The following ZNF385D variants were observed in gnomAD, a reference collection of about 807,000 sequenced individuals.
The protein encoded by ZNF385D is zinc finger protein 385D.
A neutral mutation model predicts 35.8 loss-of-function variants in ZNF385D; 15 were observed. The ratio of observed to expected loss-of-function variants is 0.42; its 90% confidence interval spans 0.28 to 0.64. The LOEUF is 0.64. Among genes scored for constraint, ZNF385D ranks in the 30% least tolerant of loss-of-function variants. The pLI, the probability that ZNF385D is intolerant of heterozygous loss-of-function variation, is 0.23. For synonymous variants in ZNF385D, 212 were observed against 186.8 expected (o/e 1.13, Z -1.10); for missense variants, 474 against 494.6 (o/e 0.96, Z 0.39).
chr3:22,372,038 C>T (rs1028197508), intron 2 of ZNF385D, among the ~76,000 whole-genome samples: 25 of 152,172 alleles, frequency 1.6e-4, no homozygotes, highest in African/African-American at 5.5e-4. Flanking sequence ...ACGCCTCGCA[C>T]ACACCCAATG....
At chr3:22,045,696 T>G (rs1169164844) in intron 3 of ZNF385D, among the ~76,000 whole-genome samples, 1 of 152,030 alleles carries the variant, frequency 6.6e-6, no homozygotes, top group Non-Finnish European at 1.5e-5. Context: ...TGTAATCACT[T>G]TCGAGTATTA....
At chr3:21,454,288 T>C (rs1359465389) in intron 4 of ZNF385D, among the ~76,000 whole-genome samples, 1 of 146,530 alleles carries the variant, frequency 6.8e-6, no homozygotes, top group Admixed American at 6.9e-5. Flanking sequence ...TGCATAACAT[T>C]GTGAATATAG....
At chr3:21,873,142 GTAGA>G (rs1697784900) in intron 3 of ZNF385D, among the ~76,000 whole-genome samples, 1 of 152,026 alleles carries the variant, frequency 6.6e-6, no homozygotes, top group Non-Finnish European at 1.5e-5. Context: ...TATGTTACAG[GTAGA>G]TAGCTAGATG....
intron 3 of ZNF385D, among the ~76,000 whole-genome samples, chr3:22,152,986 T>A (rs1462621380): frequency 6.6e-6 from 1 of 152,144 alleles, no homozygotes; most frequent in Non-Finnish European, 1.5e-5. Context: ...TGATGACACA[T>A]TGGTAGCTTA....
chr3:21,583,125 A>G (rs984761643), intron 2 of ZNF385D, among the ~76,000 whole-genome samples: 54 of 152,132 alleles, frequency 3.5e-4, no homozygotes, highest in African/African-American at 1.3e-3. Flanking sequence ...GAAAAACACA[A>G]AATACAGTGC....
intron 4 of ZNF385D, among the ~76,000 whole-genome samples, chr3:21,478,645 G>A (rs1474782642): frequency 6.6e-6 from 1 of 152,112 alleles, no homozygotes; most frequent in East Asian, 1.9e-4. Flanking sequence ...TCACGCTTAG[G>A]CGTAACTTAG....
intron 2 of ZNF385D, among the ~76,000 whole-genome samples, chr3:22,294,067 T>C (rs1220275029): frequency 6.6e-6 from 1 of 151,768 alleles, no homozygotes; most frequent in Admixed American, 6.6e-5. Context: ...TCCTATAGAG[T>C]ATTTGGAGGA....
At chr3:21,835,352 T>C (rs865861034) in intron 3 of ZNF385D, among the ~76,000 whole-genome samples, 4 of 151,958 alleles carry the variant, frequency 2.6e-5, no homozygotes, top group East Asian at 3.9e-4. Flanking sequence ...GATCCTTCCA[T>C]TGTAAAATTT....
intron 2 of ZNF385D, among the ~76,000 whole-genome samples, chr3:22,261,413 T>C (rs1700625424): frequency 6.6e-6 from 1 of 152,024 alleles, no homozygotes; most frequent in Non-Finnish European, 1.5e-5. Flanking sequence ...GTAAGGCTAG[T>C]AAATAATCAT....
intron 2 of ZNF385D, among the ~76,000 whole-genome samples, chr3:21,633,277 T>C (rs2065333888): frequency 6.6e-6 from 1 of 152,108 alleles, no homozygotes; most frequent in Admixed American, 6.6e-5. Flanking sequence ...AACAGCTGGC[T>C]ATAGCACTTG....
chr3:22,279,461 G>A (rs570351122), intron 2 of ZNF385D, among the ~76,000 whole-genome samples: 4 of 148,028 alleles, frequency 2.7e-5, no homozygotes, highest in African/African-American at 5.0e-5. Flanking sequence ...AGGCTGAATA[G>A]TATTCCACAG....
chr3:22,353,165 C>CT (rs1480191346), intron 2 of ZNF385D, among the ~76,000 whole-genome samples: 2 of 152,142 alleles, frequency 1.3e-5, no homozygotes, highest in South Asian at 4.1e-4. Context: ...TCTGGTTTAG[C>CT]TTAAATCCAC....
At chr3:22,235,840 T>C (rs1559470306) in intron 2 of ZNF385D, among the ~76,000 whole-genome samples, 1 of 152,088 alleles carries the variant, frequency 6.6e-6, no homozygotes, top group Non-Finnish European at 1.5e-5. Context: ...TGAAGGGTAA[T>C]ATAAAAATTT....
intron 3 of ZNF385D, among the ~76,000 whole-genome samples, chr3:22,030,032 G>C (rs1477361456): frequency 6.6e-6 from 1 of 151,544 alleles, no homozygotes; most frequent in African/African-American, 2.4e-5. Flanking sequence ...AGCCTAATCA[G>C]CTGCCAGCAA....
intron 2 of ZNF385D, among the ~76,000 whole-genome samples, chr3:22,208,465 G>T (rs1390504039): frequency 6.6e-6 from 1 of 151,718 alleles, no homozygotes; most frequent in South Asian, 2.1e-4. Context: ...GTAGATGGGT[G>T]GGGGGTTAAC....
chr3:21,828,085 G>A (rs143787847), intron 3 of ZNF385D, among the ~76,000 whole-genome samples: 3 of 152,152 alleles, frequency 2.0e-5, no homozygotes, highest in Non-Finnish European at 4.4e-5. Flanking sequence ...GGAATATTAT[G>A]TCTGTAAGCA....
At chr3:21,844,578 C>A (rs965982652) in intron 3 of ZNF385D, among the ~76,000 whole-genome samples, 15 of 151,926 alleles carry the variant, frequency 9.9e-5, no homozygotes, top group Admixed American at 3.9e-4. Context: ...AATGATAAAT[C>A]ACCAAACCAA....
chr3:22,298,556 CACAT>C (rs1318623330), intron 2 of ZNF385D, among the ~76,000 whole-genome samples: 2 of 142,382 alleles, frequency 1.4e-5, no homozygotes, highest in East Asian at 4.0e-4. Flanking sequence ...TGTATATACA[CACAT>C]ACACACACAC....
intron 3 of ZNF385D, among the ~76,000 whole-genome samples, chr3:21,836,669 G>T (rs141494032): frequency 2.6e-5 from 4 of 151,962 alleles, no homozygotes; most frequent in African/African-American, 4.8e-5. Flanking sequence ...TGTAAACGAA[G>T]GAGCACAGCT....
Sources: gnomAD v4.1 joint callset for allele counts (sites outside exome capture counted in the v4.1 genomes callset) on GRCh38, gnomAD v4.1.1 for gene constraint, MANE v1.5 for transcripts, NCBI Gene and HGNC (gene_info 2026-07-23, HGNC 2026-07-21) for gene names.